Variants in ST6GALNAC5 observed in about 807,000 individuals in gnomAD.
The protein encoded by ST6GALNAC5 is ST6 N-acetylgalactosaminide alpha-2,6-sialyltransferase 5.
ST6GALNAC5 carries 27 observed loss-of-function variants against 33.6 expected under a neutral mutation model. That is an observed-to-expected ratio of 0.80 (90% CI 0.59 to 1.11). The LOEUF (loss-of-function observed/expected upper bound fraction) is 1.11, where lower values mean the gene tolerates loss of function less well. Ranked by LOEUF, ST6GALNAC5 falls within the 50% of genes least tolerant of loss-of-function variation. The pLI, the probability that ST6GALNAC5 is intolerant of heterozygous loss-of-function variation, is 0.00. For synonymous variants in ST6GALNAC5, 194 were observed against 171.2 expected (o/e 1.13, Z -1.04); for missense variants, 428 against 454.0 (o/e 0.94, Z 0.52).
At chr1:76,965,532 A>G (rs1186167126) in intron 2 of ST6GALNAC5, among the ~76,000 whole-genome samples, 1 of 152,186 alleles carries the variant, frequency 6.6e-6, no homozygotes, top group African/African-American at 2.4e-5. Context: ...GGTAGATTGC[A>G]AAAATTTTCT....
chr1:76,950,846 TTCTTTG>T (rs1409704467), intron 2 of ST6GALNAC5, among the ~76,000 whole-genome samples: 2 of 152,114 alleles, frequency 1.3e-5, no homozygotes, highest in African/African-American at 2.4e-5. Flanking sequence ...GACAAGTTTG[TTCTTTG>T]ACAAGTGCGC....
chr1:77,051,993 C>T (rs1652236416), intron 4 of ST6GALNAC5, among the ~76,000 whole-genome samples: 1 of 152,206 alleles, frequency 6.6e-6, no homozygotes, highest in Non-Finnish European at 1.5e-5. Context: ...TTCTCCTACT[C>T]AGAGTTAGTT....
chr1:77,012,197 T>A (rs1428229768), intron 2 of ST6GALNAC5, among the ~76,000 whole-genome samples: 1 of 152,184 alleles, frequency 6.6e-6, no homozygotes, highest in Non-Finnish European at 1.5e-5. Context: ...GAAAGAAAGA[T>A]GCCTTCTCTG....
chr1:76,936,718 A>C (rs938557609), intron 2 of ST6GALNAC5, among the ~76,000 whole-genome samples: 10 of 152,118 alleles, frequency 6.6e-5, no homozygotes, highest in African/African-American at 2.4e-4. Context: ...AAAGGGAATA[A>C]ATTTTATAAT....
intron 2 of ST6GALNAC5, among the ~76,000 whole-genome samples, chr1:76,900,873 A>G (rs756886580): frequency 6.6e-6 from 1 of 152,246 alleles, no homozygotes; most frequent in Non-Finnish European, 1.5e-5. Flanking sequence ...ATCAGAAAAC[A>G]TAATTATTCA....
intron 2 of ST6GALNAC5, among the ~76,000 whole-genome samples, chr1:76,883,754 T>C (rs1487761951): frequency 1.3e-5 from 2 of 152,232 alleles, no homozygotes; most frequent in South Asian, 2.1e-4. Context: ...TTAAACTATA[T>C]TCATTCATTC....
intron 2 of ST6GALNAC5, among the ~76,000 whole-genome samples, chr1:76,987,678 G>GA (rs1377951246): frequency 2.6e-5 from 4 of 152,040 alleles, no homozygotes; most frequent in African/African-American, 4.8e-5. Flanking sequence ...CCCAACAGTG[G>GA]AAAAAACCCA....
At chr1:76,944,336 T>C (rs1647436969) in intron 2 of ST6GALNAC5, among the ~76,000 whole-genome samples, 1 of 152,128 alleles carries the variant, frequency 6.6e-6, no homozygotes, top group Admixed American at 6.5e-5. Context: ...TGATATTCAT[T>C]ATGATACAGC....
At chr1:76,915,310 A>C (rs1423531550) in intron 2 of ST6GALNAC5, among the ~76,000 whole-genome samples, 1 of 152,008 alleles carries the variant, frequency 6.6e-6, no homozygotes, top group Non-Finnish European at 1.5e-5. Flanking sequence ...CTAGAACTAG[A>C]AATACCATTT....
intron 2 of ST6GALNAC5, among the ~76,000 whole-genome samples, chr1:76,936,051 A>C (rs993397307): frequency 6.6e-6 from 1 of 151,978 alleles, no homozygotes; most frequent in African/African-American, 2.4e-5. Context: ...CTCCCCAAGC[A>C]CTCTGAACCC....
At chr1:77,019,498 A>G (rs944902074) in intron 2 of ST6GALNAC5, among the ~76,000 whole-genome samples, 2 of 152,226 alleles carry the variant, frequency 1.3e-5, no homozygotes, top group Non-Finnish European at 2.9e-5. Flanking sequence ...GGAGAGCTCA[A>G]AGCAGTTCAT....
chr1:76,909,353 A>C (rs1332700988), intron 2 of ST6GALNAC5, among the ~76,000 whole-genome samples: 1 of 151,906 alleles, frequency 6.6e-6, no homozygotes, highest in Non-Finnish European at 1.5e-5. Context: ...CAGTTTCTAC[A>C]TCTGTAAAAA....
rs191887865 is a variant in ST6GALNAC5, at chr1:76,983,872, C to A, written c.262-60332C>A. On this transcript the variant is annotated intron_variant, in intron 2 of 4. Transcript: ENST00000477717. ...ATTAAGAAACTCACTCAAAACCACA[C>A]AACTACATGGAAACTGAACAACCTG... Among the ~76,000 whole-genome samples the A allele has an allele frequency of 9.2e-3, 1,408 of 152,300 alleles. 18 individuals are homozygous for A. Among genetic ancestry groups the A allele is most frequent in the African/African-American group, 0.032 (1,336 of 41,572 alleles).
chr1:77,033,871 C>G (rs1174734181), intron 2 of ST6GALNAC5, among the ~76,000 whole-genome samples: 1 of 152,110 alleles, frequency 6.6e-6, no homozygotes, highest in Non-Finnish European at 1.5e-5. Flanking sequence ...GTAATTAACT[C>G]AGTTTTACTC....
intron 4 of ST6GALNAC5, among the ~76,000 whole-genome samples, chr1:77,059,445 C>T (rs1652504141): frequency 6.6e-6 from 1 of 152,098 alleles, no homozygotes; most frequent in South Asian, 2.1e-4. Flanking sequence ...CTAATGTTTT[C>T]CTGTGCTTAG....
chr1:76,998,411 A>G (rs1039544392), intron 2 of ST6GALNAC5, among the ~76,000 whole-genome samples: 1 of 151,976 alleles, frequency 6.6e-6, no homozygotes, highest in Non-Finnish European at 1.5e-5. Flanking sequence ...AAGTGAAATT[A>G]AAAAAAAGAA....
intron 2 of ST6GALNAC5, among the ~76,000 whole-genome samples, chr1:77,013,148 C>G (rs1450746384): frequency 6.6e-6 from 1 of 152,150 alleles, no homozygotes; most frequent in Admixed American, 6.5e-5. Context: ...CCAGAACTAG[C>G]CAGCTGGTCC....
chr1:76,926,442 C>T (rs1647086175), intron 2 of ST6GALNAC5, among the ~76,000 whole-genome samples: 2 of 152,092 alleles, frequency 1.3e-5, no homozygotes, highest in African/African-American at 4.8e-5. Context: ...CTATATCATG[C>T]CTTGCATCTG....
In ST6GALNAC5 at chr1:76,868,485, G is replaced by T. The variant is rs530200162; in HGVS notation, c.16-12G>T. The T allele has an allele frequency of 2.0e-5, 32 of 1,595,994 alleles. No homozygotes were observed. The South Asian group carries it at 3.6e-4, about 18-fold the overall frequency. On this transcript the variant is annotated splice_polypyrimidine_tract_variant and intron_variant, in intron 1 of 4. Coordinates refer to ENST00000477717, the MANE Select transcript of ST6GALNAC5 (RefSeq NM_030965.3). The surrounding 1 kb of genome is among the most constrained non-coding windows in gnomAD (Gnocchi z 4.3). ...CAGCCGCTCTCCTCTTCTCTCTCCC[G>T]CCCGCCCGCAGCGCCATGGTCTGGC...
Sources: gnomAD v4.1 joint callset for allele counts (sites outside exome capture counted in the v4.1 genomes callset) on GRCh38, gnomAD v4.1.1 for gene constraint, Gnocchi (gnomAD v3.1) non-coding constraint, MANE v1.5 for transcripts, NCBI Gene and HGNC (gene_info 2026-07-23, HGNC 2026-07-21) for gene names.